TOP2B: variants seen among roughly 807,000 people sequenced by gnomAD.
The protein encoded by TOP2B is DNA topoisomerase 2-beta.
In TOP2B, 51 loss-of-function variants were observed where a neutral mutation model predicts 193.5. The ratio of observed to expected loss-of-function variants is 0.26; its 90% CI spans 0.21 to 0.33. TOP2B has a LOEUF of 0.33. Among genes scored for constraint, TOP2B ranks in the 10% least tolerant of loss-of-function variants. TOP2B has a pLI of 1.00. For missense variants in TOP2B, 1,378 were observed against 1,909.3 expected, an observed-to-expected ratio of 0.72 and a Z score of 5.19; for synonymous variants, 634 against 635.7, an observed-to-expected ratio of 1.00 and a Z score of 0.04.
chr3:25,634,425 G>A (rs1427290557), intron 7 of TOP2B, among the ~76,000 whole-genome samples: 1 of 152,082 alleles, frequency 6.6e-6, no homozygotes, highest in Non-Finnish European at 1.5e-5. Flanking sequence ...TCACAGGAGA[G>A]CTGGCCATCC....
chr3:25,643,659 T>C (rs1314334657), intron 3 of TOP2B, 35 bp downstream of exon 3: 2 of 1,476,882 alleles, frequency 1.4e-6, no homozygotes, highest in Non-Finnish European at 1.9e-6. Flanking sequence ...ATGATATTAA[T>C]AGAAACATGC....
intron 2 of TOP2B, among the ~76,000 whole-genome samples, chr3:25,645,094 G>C (rs1703378227): frequency 6.6e-6 from 1 of 152,046 alleles, no homozygotes; most frequent in Non-Finnish European, 1.5e-5. Context: ...ACAGGTGTGA[G>C]CCACTGCGCT....
intron 4 of TOP2B, among the ~76,000 whole-genome samples, chr3:25,640,038 G>C (rs1703213238): frequency 6.6e-6 from 1 of 152,128 alleles, no homozygotes; most frequent in African/African-American, 2.4e-5. Flanking sequence ...GGATCAACTG[G>C]ATCAACAGTG....
downstream of TOP2B, chr3:25,597,978 A>G (rs997404401): frequency 2.4e-5 from 4 of 166,848 alleles, no homozygotes; most frequent in Admixed American, 1.3e-4. Flanking sequence ...GTAAAGAGAC[A>G]GAGAACACAG....
chr3:25,660,993 G>A lies in TOP2B; in HGVS notation c.69+3236C>T, dbSNP rs992052055. On this transcript the variant is annotated intron_variant, in intron 1 of 35. Coordinates refer to ENST00000264331, the MANE Select transcript of TOP2B (RefSeq NM_001330700.2). ...AGAAGGGATAAAGTGGGTGGTCTTA[G>A]GTTGATTTTTTTTTTTTTTTTTTTG... Among the ~76,000 whole-genome samples, 71 of 148,296 alleles carry A rather than the reference G, an allele frequency of 4.8e-4. 1 individual carries two copies. Among genetic ancestry groups the A allele is most frequent in the South Asian group, 1.5e-3 (7 of 4,738 alleles).
chr3:25,649,771 A>G (rs1487636337), intron 1 of TOP2B, among the ~76,000 whole-genome samples: 1 of 152,206 alleles, frequency 6.6e-6, no homozygotes, highest in Non-Finnish European at 1.5e-5. Flanking sequence ...CCCTTAAAGC[A>G]AAAGGATAAA....
chr3:25,638,482 C>G (rs551199063), intron 4 of TOP2B, among the ~76,000 whole-genome samples, 172 bp from the exon 5 acceptor site: 1 of 151,774 alleles, frequency 6.6e-6, no homozygotes, highest in East Asian at 1.9e-4. Flanking sequence ...CAAGAAAATA[C>G]TCGCTGAGGA....
At position 25,664,342 on chromosome 3, in the gene TOP2B, TC is replaced by T. The variant is rs1704022490; in HGVS notation, c.-46del. On this transcript the variant is annotated 5_prime_UTR_variant, in exon 1 of 36. Coordinates refer to ENST00000264331, the MANE Select transcript of TOP2B (RefSeq NM_001330700.2). ...CAGGCCCTGAGGCCGCAGCCGCCGC[TC>T]CCGCCTCCCTGCGGGCCGCTGGGCC... is the stretch of plus-strand genomic sequence containing the variant. 3 of 1,424,934 alleles carry T rather than the reference TC, an allele frequency of 2.1e-6. No individual in the cohort carries two copies. The East Asian group carries it at 9.0e-5, about 43-fold the overall frequency. 88.3% of individuals were successfully genotyped at this position (1,424,934 alleles called of 1,614,324 possible).
chr3:25,609,114 GAT>G, intron 30 of TOP2B, 67 bp downstream of exon 30: 1 of 1,352,936 alleles, frequency 7.4e-7, no homozygotes, highest in Non-Finnish European at 9.9e-7. Flanking sequence ...AAACAACACT[GAT>G]AATACTAACA....
Position 25,618,435 on chromosome 3 carries a change from T to C in TOP2B, c.3334A>G (p.Lys1112Glu). The C allele has an allele frequency of 6.2e-7, 1 of 1,612,350 alleles. No individual in the cohort carries two copies. The highest frequency in any genetic ancestry group is 8.5e-7 in the Non-Finnish European group (1 of 1,178,682). The change falls in exon 25 of 36, where the codon AAA becomes GAA. Residue 1112 changes from lysine to glutamate, a missense_variant. This residue lies in a region of TOP2B where 379 missense variants were observed against 615.1 expected (regional missense o/e 0.62). Transcript: ENST00000264331. The stretch of plus-strand genomic sequence containing the variant: ...ATGATTACCTTTTCTTGTGCTTCTT[T>C]CCAGGCTTTCACTGGGTCAGATTCA... ...GYESDPVKAW[K>E]EAQEKAAEED...
rs116006524 is a variant in TOP2B at position 25,650,505 on chromosome 3, C to T, written c.70-5035G>A. Among the ~76,000 whole-genome samples the T allele has an allele frequency of 2.0e-3, 305 of 152,274 alleles. 4 individuals are homozygous for T. Among genetic ancestry groups the T allele is most frequent in the African/African-American group, 7.0e-3 (291 of 41,552 alleles). The stretch of plus-strand genomic sequence containing the variant: ...TGAAGAAATGTGTCAGTATCTTGAT[C>T]CCATTTGTTTAAAATTTCCATTAAA... On this transcript the variant is annotated intron_variant, in intron 1 of 35. Coordinates refer to ENST00000264331, the MANE Select transcript of TOP2B (RefSeq NM_001330700.2).
rs1233364612 is a variant in TOP2B at position 25,639,275 on chromosome 3, A to C, written c.396-965T>G. Among the ~76,000 whole-genome samples the C allele has an allele frequency of 4.6e-5, 7 of 152,358 alleles. No homozygotes were observed. In the East Asian group the frequency reaches 1.3e-3, roughly 29 times the overall value. Reference sequence around the variant, plus strand: ...AATAAAGAACACTTAAGCTAGAGGAATATTTTCAACTCTGGTTAATATGCT... The same window carrying C: ...AATAAAGAACACTTAAGCTAGAGGACTATTTTCAACTCTGGTTAATATGCT... On this transcript the variant is annotated intron_variant, in intron 4 of 35. Coordinates refer to ENST00000264331, the MANE Select transcript of TOP2B (RefSeq NM_001330700.2).
Position 25,609,095 on chromosome 3 carries a change from T to A in TOP2B, c.4093+88A>T. On this transcript the variant is annotated intron_variant, in intron 30 of 35. Transcript: ENST00000264331. The stretch of plus-strand genomic sequence containing the variant: ...CTTTAACTTCTGAAATACTAATGGC[T>A]TAGTACTTAAACAACACTGATAATA... 3 of 1,160,504 alleles carry A rather than the reference T, an allele frequency of 2.6e-6. No homozygotes were observed. In the South Asian group the frequency reaches 7.3e-5, roughly 28 times the overall value. The allele number at this position is 1,160,504 out of a possible 1,614,324, so 71.9% of individuals were successfully genotyped here.
intron 12 of TOP2B, 28 bp from the exon 13 acceptor site, chr3:25,630,182 T>C: frequency 6.5e-7 from 1 of 1,529,334 alleles, no homozygotes; most frequent in South Asian, 1.3e-5. Context: ...GCACTGAGAG[T>C]AGTTTGAAGT....
rs148959201 is a variant in TOP2B at position 25,620,887 on chromosome 3, T to C, written c.2728-71A>G. 224 of 1,492,384 alleles carry C rather than the reference T, an allele frequency of 1.5e-4. 1 individual carries two copies. In the African/African-American group the frequency reaches 2.4e-3, roughly 16 times the overall value. 92.4% of individuals were successfully genotyped at this position (1,492,384 alleles called of 1,614,324 possible). On this transcript the variant is annotated intron_variant, in intron 21 of 35. Coordinates refer to ENST00000264331, the MANE Select transcript of TOP2B (RefSeq NM_001330700.2). ...AGTACCATGAGTCTATGGTCTAACA[T>C]TGACAGATTAACACAACTGAAACAG...
chr3:25,646,803 C>A (rs550982613), intron 1 of TOP2B, among the ~76,000 whole-genome samples: 24 of 151,976 alleles, frequency 1.6e-4, no homozygotes, highest in Non-Finnish European at 1.2e-4. Context: ...AATACATGAC[C>A]TCTGAAAAGT....
intron 1 of TOP2B, among the ~76,000 whole-genome samples, chr3:25,654,859 TAACA>T (rs1191514114): frequency 6.6e-6 from 1 of 152,126 alleles, no homozygotes; most frequent in Non-Finnish European, 1.5e-5. Flanking sequence ...GAAAACTGGA[TAACA>T]AGCAAAAGAA....
Position 25,598,496 on chromosome 3 carries a change from G to C in TOP2B, c.4711-19C>G, listed in dbSNP as rs756732341. The C allele has an allele frequency of 3.9e-6, 6 of 1,546,192 alleles. No homozygotes were observed. Among genetic ancestry groups the C allele is most frequent in the Non-Finnish European group, 4.4e-6 (5 of 1,146,366 alleles). On this transcript the variant is annotated intron_variant, in intron 35 of 35. Transcript: ENST00000264331. ...TCGGTTTCTAGATTTTTTTTCAATA[G>C]ATTTAAAAGTTATGAAAGGAAGTAA...
In TOP2B at chr3:25,643,882, C is replaced by T. The variant is rs911542151; in HGVS notation, c.241-98G>A. The T allele has an allele frequency of 3.8e-6, 3 of 784,514 alleles. No individual in the cohort carries two copies. In the African/African-American group the frequency reaches 5.1e-5, roughly 13 times the overall value. 48.6% of individuals were successfully genotyped at this position (784,514 alleles called of 1,614,324 possible). A position where few individuals can be genotyped will look rare whatever the true frequency, so the allele number is the denominator to read the frequency against. The stretch of plus-strand genomic sequence containing the variant: ...TCCTGTCATTTACACTATATGAATA[C>T]TTAGATCTGCAAAGTAGAAAAACAT... On this transcript the variant is annotated intron_variant, in intron 2 of 35. Coordinates refer to ENST00000264331, the MANE Select transcript of TOP2B (RefSeq NM_001330700.2).
Sources: gnomAD v4.1 joint callset for allele counts (sites outside exome capture counted in the v4.1 genomes callset) on GRCh38, gnomAD v4.1.1 for gene constraint, gnomAD v4.1.1 regional missense constraint, MANE v1.5 for transcripts, NCBI Gene and HGNC (gene_info 2026-07-23, HGNC 2026-07-21) for gene names.